The following RBFOX1 variants were observed in gnomAD, a reference collection of about 807,000 sequenced individuals.
The protein encoded by RBFOX1 is RNA binding fox-1 homolog 1.
RBFOX1 carries 8 observed loss-of-function variants against 57.7 expected under a neutral mutation model. That is an observed-to-expected ratio of 0.14 (90% CI 0.08 to 0.25). RBFOX1 has a LOEUF of 0.25. Among genes scored for constraint, RBFOX1 ranks in the 10% least tolerant of loss-of-function variants. RBFOX1 has a pLI of 1.00. For synonymous variants in RBFOX1, 326 were observed against 222.4 expected, an observed-to-expected ratio of 1.47 and a Z score of -4.15; for missense variants, 611 against 548.5, an observed-to-expected ratio of 1.11 and a Z score of -1.14.
chr16:5,712,826 A>G (rs948127575), intron 3 of RBFOX1, among the ~76,000 whole-genome samples: 1 of 152,186 alleles, frequency 6.6e-6, no homozygotes, highest in African/African-American at 2.4e-5. Context: ...TTCTTTTGCC[A>G]CATACACTTG....
chr16:7,417,242 G>A lies in RBFOX1; in HGVS notation c.28-100905G>A, dbSNP rs577128301. ...AAAAATACTGGCTGGGCGTGGTGGT[G>A]TGTGCCTGTAACCACAGCTACTTAG... On this transcript the variant is annotated intron_variant, in intron 4 of 15. Coordinates refer to ENST00000550418, the MANE Select transcript of RBFOX1 (RefSeq NM_018723.4). Among the ~76,000 whole-genome samples the A allele has an allele frequency of 2.6e-5, 4 of 151,942 alleles. No homozygotes were observed. The South Asian group carries it at 6.3e-4, about 24-fold the overall frequency.
At chr16:5,819,504 A>G (rs977736932) in intron 3 of RBFOX1, among the ~76,000 whole-genome samples, 25 of 152,152 alleles carry the variant, frequency 1.6e-4, no homozygotes, top group South Asian at 6.2e-4. Flanking sequence ...ATGAAACCCT[A>G]CAGAGGTTTC....
chr16:6,597,800 CT>C (rs1211003563), intron 2 of RBFOX1, among the ~76,000 whole-genome samples: 1 of 152,182 alleles, frequency 6.6e-6, no homozygotes, highest in Non-Finnish European at 1.5e-5. Flanking sequence ...AAGCAGCCAC[CT>C]TTTTCTGCAC....
At chr16:7,500,845 G>A (rs775834267) in intron 4 of RBFOX1, among the ~76,000 whole-genome samples, 16 of 152,252 alleles carry the variant, frequency 1.1e-4, no homozygotes, top group Middle Eastern at 3.4e-3. Context: ...CCCATGTCTC[G>A]TGAGAGGGAC....
At chr16:6,349,655 T>C (rs2085953077) in intron 2 of RBFOX1, among the ~76,000 whole-genome samples, 1 of 152,184 alleles carries the variant, frequency 6.6e-6, no homozygotes, top group Admixed American at 6.5e-5. Context: ...GAACACATCT[T>C]CATCTCTAGA....
At chr16:6,669,344 T>G (rs1053452654) in intron 3 of RBFOX1, among the ~76,000 whole-genome samples, 9 of 152,184 alleles carry the variant, frequency 5.9e-5, no homozygotes, top group African/African-American at 1.9e-4. Flanking sequence ...GTTACAAGGC[T>G]TTTTGGGCAA....
intron 4 of RBFOX1, among the ~76,000 whole-genome samples, chr16:7,235,579 G>C (rs76775850): frequency 0.019 from 2,868 of 152,256 alleles, 73 homozygotes; most frequent in African/African-American, 0.064. Context: ...GAAAGGCAGT[G>C]GCTGCGTTTG....
intron 1 of RBFOX1, among the ~76,000 whole-genome samples, chr16:6,288,882 C>T (rs1301746505): frequency 6.6e-6 from 1 of 152,016 alleles, no homozygotes; most frequent in Non-Finnish European, 1.5e-5. Context: ...CTAGTGGAAC[C>T]AACAGCGAAT....
At position 7,677,767 on chromosome 16, in the gene RBFOX1, G is replaced by T. The variant is rs1003809064; in HGVS notation, c.995+929G>T. 3.3e-5 allele frequency among the ~76,000 whole-genome samples: 5 copies of T among 152,126 alleles called. No homozygotes were observed. The East Asian group carries it at 7.7e-4, about 23-fold the overall frequency. The stretch of plus-strand genomic sequence containing the variant: ...CCTTTATTTTAAAAATATGTTTCAC[G>T]AATAAAACAATGATAACAATTTGCA... On this transcript the variant is annotated intron_variant, in intron 14 of 15. Transcript: ENST00000550418.
rs565099837 is a variant in RBFOX1, at chr16:6,947,896, C to T, written c.-15-104161C>T. On this transcript the variant is annotated intron_variant, in intron 3 of 15. Coordinates refer to ENST00000550418, the MANE Select transcript of RBFOX1 (RefSeq NM_018723.4). ...GGTTCAAGCGTTTCTCCTGCCTCAG[C>T]CCCCCAAGTAGCTGGGATTACAGGC... 1.5e-3 allele frequency among the ~76,000 whole-genome samples: 230 copies of T among 152,246 alleles called. 1 individual carries two copies. The highest frequency in any genetic ancestry group is 2.4e-3 in the Non-Finnish European group (165 of 68,012).
intron 3 of RBFOX1, among the ~76,000 whole-genome samples, chr16:6,852,909 C>T (rs1445540864): frequency 6.6e-6 from 1 of 152,190 alleles, no homozygotes; most frequent in South Asian, 2.1e-4. Context: ...AAGGTGCATG[C>T]TGGGAACTAG....
intron 1 of RBFOX1, chr16:6,037,182 A>T (rs1049236837): frequency 1.1e-4 from 16 of 152,244 alleles, no homozygotes; most frequent in African/African-American, 3.9e-4. Flanking sequence ...AAAAAAGTGC[A>T]GTTAATGCTA....
chr16:5,251,199 C>G (rs1401535497), intron 1 of RBFOX1, among the ~76,000 whole-genome samples: 1 of 152,230 alleles, frequency 6.6e-6, no homozygotes, highest in Non-Finnish European at 1.5e-5. Flanking sequence ...GAGAAGTTTG[C>G]TTTCTCAAAC....
chr16:6,783,482 A>G (rs1458282209), intron 3 of RBFOX1, among the ~76,000 whole-genome samples: 1 of 150,550 alleles, frequency 6.6e-6, no homozygotes, highest in East Asian at 1.9e-4. Context: ...TTTTAAATTG[A>G]TTAAAGCTTA....
chr16:5,271,240 G>C (rs1334050495), intron 1 of RBFOX1, among the ~76,000 whole-genome samples: 8 of 152,240 alleles, frequency 5.3e-5, no homozygotes, highest in African/African-American at 1.9e-4. Context: ...TGTAGTCTCA[G>C]CTACTCTGAA....
intron 1 of RBFOX1, among the ~76,000 whole-genome samples, chr16:5,307,869 G>A (rs148091981): frequency 1.5e-3 from 231 of 152,160 alleles, no homozygotes; most frequent in African/African-American, 5.3e-3. Context: ...GTAAACATGA[G>A]ATCTCACCAT....
intron 3 of RBFOX1, among the ~76,000 whole-genome samples, chr16:5,697,815 T>A (rs888606677): frequency 1.1e-4 from 17 of 152,122 alleles, no homozygotes; most frequent in African/African-American, 3.9e-4. Context: ...TCTTTTTCCA[T>A]CCCTGACATT....
intron 4 of RBFOX1, among the ~76,000 whole-genome samples, chr16:7,202,283 T>A (rs2088752996): frequency 7.2e-6 from 1 of 138,578 alleles, no homozygotes. Context: ...TCACACACAT[T>A]AGGATGGCTG....
At chr16:7,480,100 T>G (rs1293946952) in intron 4 of RBFOX1, among the ~76,000 whole-genome samples, 3 of 152,202 alleles carry the variant, frequency 2.0e-5, no homozygotes, top group African/African-American at 7.2e-5. Flanking sequence ...ATCATGTTCT[T>G]AAAGAAGGCT....
Sources: allele counts gnomAD v4.1 joint callset (sites outside exome capture counted in the v4.1 genomes callset), GRCh38; gene constraint gnomAD v4.1.1; transcripts MANE v1.5; gene names NCBI Gene and HGNC (gene_info 2026-07-23, HGNC 2026-07-21).